Variants in CNGA3 observed in about 807,000 individuals in gnomAD.
CNGA3 encodes cyclic nucleotide-gated channel alpha-3.
Under a neutral mutation model 46.6 loss-of-function variants are expected in CNGA3, and 42 were observed. The observed-to-expected ratio is 0.90, with a 90% CI of 0.70 to 1.17. The LOEUF (loss-of-function observed/expected upper bound fraction) is 1.17. CNGA3 is among the 50% of genes most tolerant of loss of function. CNGA3 has a pLI of 0.00. For synonymous variants in CNGA3, 394 were observed against 369.4 expected (o/e 1.07, Z -0.76); for missense variants, 893 against 890.7 (o/e 1.00, Z -0.03).
At chr2:98,366,827 G>C (rs906439685) in intron 1 of CNGA3, among the ~76,000 whole-genome samples, 1 of 152,206 alleles carries the variant, frequency 6.6e-6, no homozygotes, top group Non-Finnish European at 1.5e-5. Context: ...CTCCAGTGTA[G>C]AGGCCGCCAA....
At chr2:98,363,629 T>C (rs1194549637) in intron 1 of CNGA3, among the ~76,000 whole-genome samples, 1 of 152,224 alleles carries the variant, frequency 6.6e-6, no homozygotes, top group Non-Finnish European at 1.5e-5. Flanking sequence ...GCCCATTCAG[T>C]ATGATATTGG....
chr2:98,384,135 C>T (rs1468631841), intron 5 of CNGA3, among the ~76,000 whole-genome samples: 4 of 152,070 alleles, frequency 2.6e-5, no homozygotes, highest in Non-Finnish European at 4.4e-5. Context: ...GTGATCCACC[C>T]GCCTCGGCCT....
At chr2:98,384,104 T>C (rs1289428801) in intron 5 of CNGA3, among the ~76,000 whole-genome samples, 1 of 152,128 alleles carries the variant, frequency 6.6e-6, no homozygotes, top group Non-Finnish European at 1.5e-5. Flanking sequence ...TTAGCCAGGA[T>C]GGTCTCGACC....
intron 7 of CNGA3, among the ~76,000 whole-genome samples, chr2:98,393,737 C>A (rs1692844723): frequency 6.6e-6 from 1 of 151,960 alleles, no homozygotes. Flanking sequence ...TTGGGTAGTA[C>A]CCTAAGCAAC....
intron 2 of CNGA3, among the ~76,000 whole-genome samples, chr2:98,372,353 C>A (rs559585989): frequency 6.6e-6 from 1 of 152,318 alleles, no homozygotes; most frequent in South Asian, 2.1e-4. Context: ...TGGCTTCTGG[C>A]AGACTCTCTG....
At chr2:98,378,282 C>T (rs1224713967) in intron 3 of CNGA3, 5 of 1,461,516 alleles carry the variant, frequency 3.4e-6, no homozygotes, top group African/African-American at 2.8e-5. Context: ...GCTCTGCTTC[C>T]CCCTGATGAC....
chr2:98,357,220 G>A (rs890253917), intron 1 of CNGA3, among the ~76,000 whole-genome samples: 4 of 152,188 alleles, frequency 2.6e-5, no homozygotes, highest in Admixed American at 6.5e-5. Context: ...AGTGAGCTGC[G>A]TTAAATGCCT....
chr2:98,358,063 G>C (rs973173764), intron 1 of CNGA3, among the ~76,000 whole-genome samples: 3 of 152,374 alleles, frequency 2.0e-5, no homozygotes, highest in African/African-American at 7.2e-5. Flanking sequence ...GCCCTGGCTA[G>C]ATGGCAGCTT....
chr2:98,356,716 G>C (rs1691887582), intron 1 of CNGA3, among the ~76,000 whole-genome samples: 1 of 152,138 alleles, frequency 6.6e-6, no homozygotes, highest in South Asian at 2.1e-4. Flanking sequence ...TTGATGTTCA[G>C]GTCACAATAA....
At chr2:98,354,137 G>C (rs1691828033) in intron 1 of CNGA3, among the ~76,000 whole-genome samples, 1 of 152,152 alleles carries the variant, frequency 6.6e-6, no homozygotes, top group South Asian at 2.1e-4. Flanking sequence ...ACTTATAGTA[G>C]TACCTAATAC....
chr2:98,350,864 T>G (rs1691755004), intron 1 of CNGA3: 1 of 152,186 alleles, frequency 6.6e-6, no homozygotes, highest in African/African-American at 2.4e-5. Flanking sequence ...CAGAGAGAGA[T>G]AACTCTACCT....
chr2:98,349,379 G>C (rs1691724307), intron 1 of CNGA3, among the ~76,000 whole-genome samples: 1 of 152,202 alleles, frequency 6.6e-6, no homozygotes, highest in South Asian at 2.1e-4. Flanking sequence ...TGACCATCAG[G>C]CTAAGAAATG....
chr2:98,393,031 C>T (rs1160839874), intron 7 of CNGA3, among the ~76,000 whole-genome samples: 2 of 152,116 alleles, frequency 1.3e-5, no homozygotes, highest in African/African-American at 4.8e-5. Flanking sequence ...CTTTGGGAGG[C>T]CAAGACAGAA....
chr2:98,388,762 CTT>C (rs1178329886), intron 5 of CNGA3, among the ~76,000 whole-genome samples: 4 of 152,242 alleles, frequency 2.6e-5, no homozygotes, highest in African/African-American at 9.6e-5. Context: ...TGTTCACAAA[CTT>C]TCACCCAAAT....
chr2:98,351,967 A>T lies in CNGA3; in HGVS notation c.-38+5433A>T, dbSNP rs533149831. ...CCACATTATAATCTTAGAACTTTTCAACACTGTCAAAAGGGACCCCGTATC... is the reference window on the plus strand; with the variant it reads ...CCACATTATAATCTTAGAACTTTTCTACACTGTCAAAAGGGACCCCGTATC... On this transcript the variant is annotated intron_variant, in intron 1 of 7. Transcript: ENST00000272602. 2.0e-4 allele frequency among the ~76,000 whole-genome samples: 30 copies of T among 152,294 alleles called. 1 individual carries two copies. Among genetic ancestry groups the T allele is most frequent in the African/African-American group, 6.7e-4 (28 of 41,560 alleles).
chr2:98,372,444 C>T (rs572029890), intron 2 of CNGA3, among the ~76,000 whole-genome samples: 11 of 152,102 alleles, frequency 7.2e-5, no homozygotes, highest in African/African-American at 9.7e-5. Flanking sequence ...TCTGAACTGA[C>T]GTCTTGAGAT....
intron 7 of CNGA3, among the ~76,000 whole-genome samples, chr2:98,392,605 A>G (rs1374227151): frequency 1.3e-5 from 2 of 152,024 alleles, no homozygotes; most frequent in Non-Finnish European, 2.9e-5. Context: ...AAAAAAAAAG[A>G]AAAGAAGTAA....
chr2:98,397,962 T>TC lies in CNGA3; in HGVS notation c.*711dup, dbSNP rs34651662. On this transcript the variant is annotated 3_prime_UTR_variant, in exon 8 of 8. Transcript: ENST00000272602. Reference sequence around the variant, plus strand: ...AGCATCTCAGTTAGGAGAAGAGACATCCCCTCCTTCTCACTTGCCAAAGAG... The same window carrying TC: ...AGCATCTCAGTTAGGAGAAGAGACATCCCCCTCCTTCTCACTTGCCAAAGAG... 6.5e-6 allele frequency: 1 copy of TC among 152,976 alleles called. No individual in the cohort carries two copies. The highest frequency in any genetic ancestry group is 2.4e-5 in the African/African-American group (1 of 41,432). The allele number at this position is 152,976 out of a possible 1,614,324, so 9.5% of individuals were successfully genotyped here.
chr2:98,363,410 A>C (rs1336766221), intron 1 of CNGA3, among the ~76,000 whole-genome samples: 1 of 152,154 alleles, frequency 6.6e-6, no homozygotes, highest in African/African-American at 2.4e-5. Flanking sequence ...TCTTTGTAGA[A>C]ATTTTGAGTG....
Sources: allele counts gnomAD v4.1 joint callset (sites outside exome capture counted in the v4.1 genomes callset), GRCh38; gene constraint gnomAD v4.1.1; transcripts MANE v1.5; gene names NCBI Gene and HGNC (gene_info 2026-07-23, HGNC 2026-07-21).